Variants in GMPPA observed in about 807,000 individuals in gnomAD.
GMPPA encodes the protein mannose-1-phosphate guanylyltransferase regulatory subunit alpha.
Under a neutral mutation model 58.6 loss-of-function variants are expected in GMPPA, and 46 were observed. The observed-to-expected ratio is 0.78, with a 90% CI of 0.62 to 1.00. GMPPA has a LOEUF of 1.00. Among genes scored for constraint, GMPPA ranks in the 50% least tolerant of loss-of-function variants. GMPPA has a pLI of 0.00. For missense variants in GMPPA, 468 were observed against 556.4 expected (o/e 0.84, Z 1.60); for synonymous variants, 211 against 214.9 (o/e 0.98, Z 0.16).
chr2:219,506,283 G>A lies in GMPPA; in HGVS notation c.1023G>A (p.Val341=), dbSNP rs1694588959. 1.2e-6 allele frequency: 2 copies of A among 1,613,598 alleles called. No homozygotes were observed. The highest frequency in any genetic ancestry group is 4.5e-5 in the East Asian group (2 of 44,870). The stretch of plus-strand genomic sequence containing the variant: ...ACACGTGTGTTCTGCATAGCATCGT[G>A]GGCTGGGGGAGCACCGTGGGACGCT... ...QEHTCVLHSI[V]GWGSTVGRWA... Residue 341 remains valine, a synonymous_variant, in exon 12 of 13, where the codon GTG becomes GTA. Coordinates refer to ENST00000313597, the MANE Select transcript of GMPPA (RefSeq NM_013335.4).
chr2:219,501,604 G>A (rs111228471), intron 4 of GMPPA, 25 bp downstream of exon 4: 2 of 1,373,300 alleles, frequency 1.5e-6, no homozygotes, highest in Admixed American at 3.4e-5. Flanking sequence ...ACTCGTATAT[G>A]GGGGGGTGGG....
chr2:219,504,777 G>A (rs1694518547), intron 7 of GMPPA: 1 of 789,588 alleles, frequency 1.3e-6, no homozygotes, highest in Non-Finnish European at 1.6e-6. Context: ...TGGCCTCTCT[G>A]TCTCTGTCTC....
At chr2:219,500,279 CT>C (rs1694345142) in intron 3 of GMPPA, 61 bp downstream of exon 3, 2 of 922,444 alleles carry the variant, frequency 2.2e-6, no homozygotes, top group African/African-American at 3.3e-5. Context: ...CTGTTTCCCC[CT>C]TTCCCAACCA....
chr2:219,501,473 C>T lies in GMPPA; in HGVS notation c.139-3C>T. On this transcript the variant is annotated splice_region_variant and splice_polypyrimidine_tract_variant and intron_variant, in intron 3 of 12. Transcript: ENST00000313597. ...TCATCCCAGCCTCTTCCCTTGTCCT[C>T]AGGTCCCTGGAATGCAGGAGATTCT... 1 of 1,551,452 alleles carries T rather than the reference C, an allele frequency of 6.4e-7. No homozygotes were observed. The highest frequency in any genetic ancestry group is 8.9e-7 in the Non-Finnish European group (1 of 1,122,882).
At chr2:219,506,554 C>A in intron 12 of GMPPA, 132 bp downstream of exon 12, 2 of 1,059,810 alleles carry the variant, frequency 1.9e-6, no homozygotes, top group Non-Finnish European at 2.8e-6. Context: ...CTGCTGTGTG[C>A]CAGGCCCTGT....
chr2:219,505,118 G>A, intron 7 of GMPPA, 110 bp from the exon 8 acceptor site: 1 of 1,247,042 alleles, frequency 8.0e-7, no homozygotes, highest in South Asian at 1.4e-5. Flanking sequence ...GGAGAGAGGG[G>A]CTTAGAGAGG....
chr2:219,504,505 C>A, intron 7 of GMPPA: 1 of 476,708 alleles, frequency 2.1e-6, no homozygotes, highest in Non-Finnish European at 3.8e-6. Context: ...GACAGCAACA[C>A]ACAGTTGGGC....
intron 1 of GMPPA, 52 bp from the exon 2 acceptor site, chr2:219,499,904 G>A: frequency 9.7e-6 from 14 of 1,441,990 alleles, no homozygotes; most frequent in Non-Finnish European, 1.4e-5. Flanking sequence ...TGGGTTTTGG[G>A]GCTTGGTTGG....
Position 219,505,454 on chromosome 2 carries a change from C to A in GMPPA, c.756-4C>A, listed in dbSNP as rs1324434466. 3.2e-6 allele frequency: 5 copies of A among 1,579,994 alleles called. No homozygotes were observed. Among genetic ancestry groups the A allele is most frequent in the Non-Finnish European group, 3.4e-6 (4 of 1,161,974 alleles). On this transcript the variant is annotated splice_region_variant and splice_polypyrimidine_tract_variant and intron_variant, in intron 8 of 12. Coordinates refer to ENST00000313597, the MANE Select transcript of GMPPA (RefSeq NM_013335.4). ...TGAGCCCCTGTCCCCCTTGCGGTCC[C>A]CAGTTCAGCCCTCTACGCCTCCCGC...
intron 9 of GMPPA, 43 bp from the exon 10 acceptor site, chr2:219,505,672 C>T (rs755535192): frequency 2.5e-6 from 4 of 1,607,920 alleles, no homozygotes; most frequent in East Asian, 2.2e-5. Context: ...TGATCAAATT[C>T]GGTTTGGGAT....
In GMPPA at chr2:219,501,536, CA is replaced by C. The variant is rs1694390571; in HGVS notation, c.200del (p.Gln67ArgfsTer3). Reference protein sequence around the residue: ...GFYQPDEPLTQFLEAAQQEFN... With the variant: ...GFYQPDEPLTXFLEAAQQEFN... ...CTACCAACCTGATGAGCCCCTCACC[CA>C]GTTCCTAGAAGCCGCCCAGCAGGAG... On this transcript the variant is annotated frameshift_variant, in exon 4 of 13. Transcript: ENST00000313597. LOFTEE classifies it high-confidence loss of function. 6.2e-7 allele frequency: 1 copy of C among 1,613,096 alleles called. No individual in the cohort carries two copies. Among genetic ancestry groups the C allele is most frequent in the Non-Finnish European group, 8.5e-7 (1 of 1,179,134 alleles).
At chr2:219,505,143 C>T in intron 7 of GMPPA, 85 bp from the exon 8 acceptor site, 1 of 1,451,360 alleles carries the variant, frequency 6.9e-7, no homozygotes, top group Non-Finnish European at 9.5e-7. Context: ...GGGAATCCTC[C>T]TACTCCTGTC....
At chr2:219,499,680 G>A (rs1694319613) in intron 1 of GMPPA, 2 of 513,156 alleles carry the variant, frequency 3.9e-6, no homozygotes, top group Non-Finnish European at 3.5e-6. Context: ...GTGAGGTTCT[G>A]TCCAGGCAGG....
chr2:219,501,772 CG>C, intron 4 of GMPPA, 78 bp from the exon 5 acceptor site: 1 of 1,276,462 alleles, frequency 7.8e-7, no homozygotes, highest in Non-Finnish European at 1.1e-6. Context: ...TGGGAGCAAG[CG>C]GTGGCGGTCA....
chr2:219,505,687 G>A, intron 9 of GMPPA, 28 bp from the exon 10 acceptor site: 7 of 1,612,444 alleles, frequency 4.3e-6, no homozygotes, highest in Non-Finnish European at 5.9e-6. Context: ...TGGGATATTT[G>A]CCCCCAGGGC....
chr2:219,504,254 A>G, intron 7 of GMPPA, 41 bp downstream of exon 7: 2 of 1,599,688 alleles, frequency 1.3e-6, no homozygotes, highest in Non-Finnish European at 1.7e-6. Context: ...AAGTACCCCC[A>G]GTCACGGACC....
At position 219,505,764 on chromosome 2, in the gene GMPPA, G is replaced by T; in HGVS notation, c.900+3G>T. 1 of 1,602,602 alleles carries T rather than the reference G, an allele frequency of 6.2e-7. No individual in the cohort carries two copies. On this transcript the variant is annotated splice_donor_region_variant and intron_variant, in intron 10 of 12. Transcript: ENST00000313597. ...CCAAGGTGGCCCCCTCGGCTGTGGT[G>T]AGCACTGGTCCCAGCCCCAGGGAGG... is the stretch of plus-strand genomic sequence containing the variant.
chr2:219,501,648 T>C, intron 4 of GMPPA, 69 bp downstream of exon 4: 1 of 1,052,036 alleles, frequency 9.5e-7, no homozygotes, highest in East Asian at 2.4e-5. Flanking sequence ...TGGAAGTGGG[T>C]TGAGTCAGCA....
At chr2:219,503,932 G>A (rs1045478988) in intron 6 of GMPPA, 151 bp from the exon 7 acceptor site, 5 of 765,244 alleles carry the variant, frequency 6.5e-6, no homozygotes, top group East Asian at 2.5e-5. Context: ...TTTAAAGCCA[G>A]GCAGCAGTAG....
Sources: gnomAD v4.1 joint callset for allele counts on GRCh38, gnomAD v4.1.1 for gene constraint, MANE v1.5 for transcripts, NCBI Gene and HGNC (gene_info 2026-07-23, HGNC 2026-07-21) for gene names.